Variants in MED17 observed in about 807,000 individuals in gnomAD.
MED17 encodes mediator complex subunit 17.
A neutral mutation model predicts 80.8 loss-of-function variants in MED17; 49 were observed. That is an observed-to-expected ratio of 0.61 (90% confidence interval 0.48 to 0.77). The LOEUF is 0.77. Ranked by LOEUF, MED17 falls within the 30% of genes least tolerant of loss-of-function variation. The probability of loss-of-function intolerance (pLI) is 0.00; values close to 1 mark genes in which losing one functional copy is unlikely to be tolerated. For missense variants in MED17, 718 were observed against 787.0 expected (o/e 0.91, Z 1.05); for synonymous variants, 281 against 280.4 (o/e 1.00, Z -0.02).
intron 3 of MED17, among the ~76,000 whole-genome samples, chr11:93,792,114 A>T (rs1943843324): frequency 6.6e-6 from 1 of 152,206 alleles, no homozygotes; most frequent in Non-Finnish European, 1.5e-5. Flanking sequence ...TCATAGCTCA[A>T]TGGGGTAGAA....
chr11:93,809,773 A>G lies in MED17; in HGVS notation c.1641A>G (p.Gln547=). Residue 547 remains glutamine (Q), a synonymous_variant, in exon 11 of 12, where the codon CAA becomes CAG. Transcript: ENST00000251871. Reference sequence around the variant, plus strand: ...AACTCGCCAAGGTTATGGGCTGGCAAGTACTGAGCTTCAGTAATCATGTGG... The same window carrying G: ...AACTCGCCAAGGTTATGGGCTGGCAGGTACTGAGCTTCAGTAATCATGTGG... ...VQQLAKVMGW[Q]VLSFSNHVGL... 1.2e-6 allele frequency: 2 copies of G among 1,614,186 alleles called. No individual in the cohort carries two copies. Among genetic ancestry groups the G allele is most frequent in the Non-Finnish European group, 1.7e-6 (2 of 1,180,034 alleles).
chr11:93,795,307 G>C (rs757355580), intron 6 of MED17: 1 of 533,196 alleles, frequency 1.9e-6, no homozygotes, highest in Non-Finnish European at 3.3e-6. Context: ...TCATTATTGT[G>C]GTCAAGAGAA....
chr11:93,784,776 T>G lies in MED17; in HGVS notation c.250+13T>G. 6.5e-7 allele frequency: 1 copy of G among 1,535,666 alleles called. No individual in the cohort carries two copies. The highest frequency in any genetic ancestry group is 1.4e-5 in the African/African-American group (1 of 73,368). ...GACGACGAGGAAGGTAAGGCCTGCA[T>G]CCGCTGCCCGAGTCCCCCGGTCTGG... On this transcript the variant is annotated intron_variant, in intron 1 of 11. Coordinates refer to ENST00000251871, the MANE Select transcript of MED17 (RefSeq NM_004268.5).
chr11:93,805,280 A>G (rs1944011817), intron 9 of MED17, among the ~76,000 whole-genome samples: 1 of 152,208 alleles, frequency 6.6e-6, no homozygotes, highest in Non-Finnish European at 1.5e-5. Context: ...AAGTCCTACA[A>G]GTATAATTGC....
rs1565295143 is a variant in MED17 at position 93,809,704 on chromosome 11, T to C, written c.1585-13T>C. On this transcript the variant is annotated splice_polypyrimidine_tract_variant and intron_variant, in intron 10 of 11. Transcript: ENST00000251871. ...CTGCTGACTGTCAGTCAAGTGTCCT[T>C]TTTCATTCACAGATGTCACAGCACC... is the stretch of plus-strand genomic sequence containing the variant. 6.2e-6 allele frequency: 10 copies of C among 1,613,956 alleles called. No homozygotes were observed. The highest frequency in any genetic ancestry group is 8.5e-6 in the Non-Finnish European group (10 of 1,179,972).
At chr11:93,794,157 C>G (rs1319669192) in intron 5 of MED17, 122 bp downstream of exon 5, 4 of 756,188 alleles carry the variant, frequency 5.3e-6, no homozygotes, top group Non-Finnish European at 8.8e-6. Context: ...TCAAAATATA[C>G]TTCTAAAATT....
At chr11:93,806,473 G>A (rs1200113604) in intron 9 of MED17, 1 of 152,136 alleles carries the variant, frequency 6.6e-6, no homozygotes, top group Non-Finnish European at 1.5e-5. Context: ...TTTAGAAGTT[G>A]CTTTGGAAGA....
rs1454946165 is a variant in MED17 at position 93,814,562 on chromosome 11, G to A, written c.*2498G>A. The A allele has an allele frequency of 6.6e-6, 1 of 152,124 alleles. No homozygotes were observed. The highest frequency in any genetic ancestry group is 1.5e-5 in the Non-Finnish European group (1 of 68,032). The allele number at this position is 152,124 out of a possible 1,614,324, so 9.4% of individuals were successfully genotyped here. ...TCCTTATATATAAATGAAGATAGAG[G>A]TGCCTCCTCTACTAACCTCAGTGGT... On this transcript the variant is annotated 3_prime_UTR_variant, in exon 12 of 12. Coordinates refer to ENST00000251871, the MANE Select transcript of MED17 (RefSeq NM_004268.5).
At chr11:93,799,196 T>A (rs1943935881) in intron 8 of MED17, among the ~76,000 whole-genome samples, 1 of 151,558 alleles carries the variant, frequency 6.6e-6, no homozygotes, top group Non-Finnish European at 1.5e-5. Context: ...TTTTTTTTTT[T>A]TTTGAGACGA....
At chr11:93,811,535 T>C in intron 11 of MED17, 1 of 321,714 alleles carries the variant, frequency 3.1e-6, no homozygotes, top group Non-Finnish European at 5.8e-6. Context: ...CTTTGTGTTT[T>C]TCAGTGCTGC....
intron 1 of MED17, among the ~76,000 whole-genome samples, chr11:93,786,485 G>C (rs1359631323): frequency 7.3e-6 from 1 of 137,842 alleles, no homozygotes; most frequent in African/African-American, 2.7e-5. Flanking sequence ...TTTTTTTTTT[G>C]AGATGGAGTC....
chr11:93,794,113 T>C (rs1385150665), intron 5 of MED17, 78 bp downstream of exon 5: 5 of 1,058,196 alleles, frequency 4.7e-6, no homozygotes, highest in Non-Finnish European at 6.7e-6. Flanking sequence ...TAAATATAGG[T>C]AGGAAAAAAT....
At position 93,809,706 on chromosome 11, in the gene MED17, T is replaced by C; in HGVS notation, c.1585-11T>C. On this transcript the variant is annotated splice_polypyrimidine_tract_variant and intron_variant, in intron 10 of 11. Coordinates refer to ENST00000251871, the MANE Select transcript of MED17 (RefSeq NM_004268.5). ...GCTGACTGTCAGTCAAGTGTCCTTT[T>C]TCATTCACAGATGTCACAGCACCAG... 1 of 1,614,148 alleles carries C rather than the reference T, an allele frequency of 6.2e-7. No individual in the cohort carries two copies. Among genetic ancestry groups the C allele is most frequent in the Non-Finnish European group, 8.5e-7 (1 of 1,180,000 alleles).
intron 2 of MED17, chr11:93,788,909 C>G (rs917906446): frequency 1.3e-5 from 2 of 152,060 alleles, no homozygotes; most frequent in East Asian, 1.9e-4. Context: ...CTAATCCTTC[C>G]TTCCCTTTTT....
chr11:93,784,624 G>C lies in MED17; in HGVS notation c.111G>C (p.Ser37=), dbSNP rs1205813696. The C allele has an allele frequency of 6.3e-7, 1 of 1,590,046 alleles. No individual in the cohort carries two copies. The highest frequency in any genetic ancestry group is 1.3e-5 in the African/African-American group (1 of 74,862). ...TETYLPPLSM[S]QNLARLAQRI... is the part of the protein sequence containing the mutation. ...CGTACCTGCCCCCGCTGTCCATGTC[G>C]CAGAATCTGGCGCGTCTGGCCCAGC... Residue 37 remains serine, a synonymous_variant, in exon 1 of 12, where the codon TCG becomes TCC. Transcript: ENST00000251871.
chr11:93,790,471 CCTT>C, intron 2 of MED17, 100 bp from the exon 3 acceptor site: 2 of 975,386 alleles, frequency 2.1e-6, no homozygotes, highest in Non-Finnish European at 1.6e-6. Flanking sequence ...ACTTGCCCCT[CCTT>C]TTTGCTTTTT....
intron 6 of MED17, chr11:93,795,390 T>C (rs1319949999): frequency 5.9e-6 from 2 of 340,324 alleles, no homozygotes; most frequent in East Asian, 1.5e-4. Context: ...TCAGGGATCC[T>C]GCCTTATTAT....
chr11:93,790,907 G>A (rs1174674186), intron 3 of MED17, 114 bp downstream of exon 3: 1 of 933,068 alleles, frequency 1.1e-6, no homozygotes, highest in Non-Finnish European at 1.7e-6. Flanking sequence ...AGGAGTTCAA[G>A]ATGAGCCCAG....
chr11:93,809,984 G>T (rs530345506), intron 11 of MED17, 108 bp downstream of exon 11: 2 of 1,108,558 alleles, frequency 1.8e-6, no homozygotes, highest in East Asian at 4.7e-5. Flanking sequence ...CAATAAATTA[G>T]TTAATGTTGT....
Sources: allele counts gnomAD v4.1 joint callset (sites outside exome capture counted in the v4.1 genomes callset), GRCh38; gene constraint gnomAD v4.1.1; transcripts MANE v1.5; gene names NCBI Gene and HGNC (gene_info 2026-07-23, HGNC 2026-07-21).